Variants in KCNT1 observed in about 807,000 individuals in gnomAD.
KCNT1 encodes the protein potassium sodium-activated channel subfamily T member 1, also known as potassium channel subfamily T member 1.
A neutral mutation model predicts 147.8 loss-of-function variants in KCNT1; 78 were observed. The ratio of observed to expected loss-of-function variants is 0.53; its 90% CI spans 0.44 to 0.64. The LOEUF is 0.64. KCNT1 is among the 30% of genes least tolerant of loss of function. The pLI, the probability that KCNT1 is intolerant of heterozygous loss-of-function variation, is 0.00. For missense variants in KCNT1, 1,419 were observed against 1,750.3 expected (o/e 0.81, Z 3.38); for synonymous variants, 867 against 748.8 (o/e 1.16, Z -2.58).
Position 135,702,361 on chromosome 9 carries a change from GCCC to G in KCNT1, c.106_108del (p.Pro36del), listed in dbSNP as rs745979475. 11 of 1,610,200 alleles carry G rather than the reference GCCC, an allele frequency of 6.8e-6. No individual in the cohort carries two copies. Among genetic ancestry groups the G allele is most frequent in the African/African-American group, 1.3e-5 (1 of 74,680 alleles). On this transcript the variant is annotated inframe_deletion, in exon 1 of 31. Transcript: ENST00000371757. ...CTTCGAGTTTGACGACGGCCAATGC[GCCC>G]CCAGGTACAGTCTGCTGCGCCCTCC...
At chr9:135,778,381 C>T (rs760120507) in intron 21 of KCNT1, 43 bp from the exon 22 acceptor site, 34 of 1,532,648 alleles carry the variant, frequency 2.2e-5, no homozygotes, top group Non-Finnish European at 3.0e-5. Flanking sequence ...GGAGGGCAGG[C>T]CTTGAAGCAG....
chr9:135,781,280 G>T (rs1833590616), intron 24 of KCNT1, among the ~76,000 whole-genome samples: 1 of 152,232 alleles, frequency 6.6e-6, no homozygotes, highest in African/African-American at 2.4e-5. Context: ...ATGGTGCTGG[G>T]GTCCATGTGG....
chr9:135,747,468 C>G (rs544058665), intron 2 of KCNT1, among the ~76,000 whole-genome samples: 61 of 152,092 alleles, frequency 4.0e-4, no homozygotes, highest in Non-Finnish European at 1.6e-4. Context: ...GCAGCTCCCG[C>G]CTCAGCCCTG....
intron 22 of KCNT1, 50 bp from the exon 23 acceptor site, chr9:135,778,638 G>T: frequency 6.2e-7 from 1 of 1,609,978 alleles, no homozygotes; most frequent in Non-Finnish European, 8.5e-7. Context: ...GGTCCTGTGG[G>T]TGGGGAGTGG....
chr9:135,742,066 G>T (rs1830593678), intron 2 of KCNT1, among the ~76,000 whole-genome samples: 1 of 152,208 alleles, frequency 6.6e-6, no homozygotes, highest in Non-Finnish European at 1.5e-5. Flanking sequence ...CTGGGGCCAG[G>T]TTGCCTGGGG....
intron 2 of KCNT1, among the ~76,000 whole-genome samples, chr9:135,745,905 G>A (rs1033993652): frequency 1.3e-5 from 2 of 152,208 alleles, no homozygotes; most frequent in African/African-American, 4.8e-5. Flanking sequence ...ATGAACCTCT[G>A]CCGCAGCAAG....
chr9:135,765,700 C>G lies in KCNT1; in HGVS notation c.1277C>G (p.Ser426Cys), dbSNP rs1832217800. 6.2e-7 allele frequency: 1 copy of G among 1,610,790 alleles called. No homozygotes were observed. The highest frequency in any genetic ancestry group is 8.5e-7 in the Non-Finnish European group (1 of 1,178,886). Residue 426 changes from serine (S) to cysteine (C), a missense_variant, in exon 13 of 31, where the codon TCC becomes TGC. Transcript: ENST00000371757. ...VRRVLQIPLW[S>C]QRVIYLQGSA... The stretch of plus-strand genomic sequence containing the variant: ...AGAGTCCTGCAGATCCCTCTGTGGT[C>G]CCAGCGGGTCATCTACCTCCAGGGC...
At position 135,702,311 on chromosome 9, in the gene KCNT1, G is replaced by A. The variant is rs753714293; in HGVS notation, c.53G>A (p.Arg18His). 1.2e-6 allele frequency: 2 copies of A among 1,610,650 alleles called. No homozygotes were observed. Among genetic ancestry groups the A allele is most frequent in the Admixed American group, 1.7e-5 (1 of 59,924 alleles). ...RTPGGVCREA[R>H]GGGYTNRTFE... is the part of the protein sequence containing the mutation. ...CCGGGGGGCGTCTGCCGGGAGGCGCGCGGCGGGGGCTACACCAACCGGACC... is the reference window on the plus strand; with the variant it reads ...CCGGGGGGCGTCTGCCGGGAGGCGCACGGCGGGGGCTACACCAACCGGACC... The change falls in exon 1 of 31, where the codon CGC becomes CAC. Residue 18 changes from arginine (R) to histidine (H), a missense_variant. Around this residue, in one of 5 missense-constraint regions of KCNT1, gnomAD observed 181 missense variants for 155.7 expected, o/e 1.16. Coordinates refer to ENST00000371757, the MANE Select transcript of KCNT1 (RefSeq NM_020822.3).
At chr9:135,737,053 C>G (rs1588286998) in intron 2 of KCNT1, 1 of 227,410 alleles carries the variant, frequency 4.4e-6, no homozygotes, top group East Asian at 8.1e-5. Context: ...GTGGACCCAG[C>G]TCTGTGCCAG....
intron 2 of KCNT1, among the ~76,000 whole-genome samples, chr9:135,727,279 TTC>T (rs1168844881): frequency 3.3e-5 from 2 of 60,308 alleles, no homozygotes; most frequent in African/African-American, 1.3e-4. Flanking sequence ...CTCTTTCCCA[TTC>T]TCTCTCTCTC....
intron 28 of KCNT1, 62 bp from the exon 29 acceptor site, chr9:135,786,135 A>G: frequency 6.7e-7 from 1 of 1,487,610 alleles, no homozygotes; most frequent in Non-Finnish European, 9.1e-7. Context: ...CCCTGCCCCA[A>G]AGCCCGCGAC....
Position 135,714,807 on chromosome 9 carries a change from C to A in KCNT1, c.254+87C>A. 1 of 945,928 alleles carries A rather than the reference C, an allele frequency of 1.1e-6. No homozygotes were observed. Among genetic ancestry groups the A allele is most frequent in the Non-Finnish European group, 1.3e-6 (1 of 758,686 alleles). 58.6% of individuals were successfully genotyped at this position (945,928 alleles called of 1,614,324 possible). A position where few individuals can be genotyped will look rare whatever the true frequency, so the allele number is the denominator to read the frequency against. Reference sequence around the variant, plus strand: ...GCTGTCCGCGGTGCTGACGGCCGGTCCCGCGCGCCCCCGCAGCCGCCGGCG... The same window carrying A: ...GCTGTCCGCGGTGCTGACGGCCGGTACCGCGCGCCCCCGCAGCCGCCGGCG... On this transcript the variant is annotated intron_variant, in intron 2 of 30. Coordinates refer to ENST00000371757, the MANE Select transcript of KCNT1 (RefSeq NM_020822.3). This position sits in a 1 kb window ranked among gnomAD's most constrained non-coding sequence, Gnocchi z 6.2.
Position 135,770,024 on chromosome 9 carries a change from A to G in KCNT1, c.1588A>G (p.Ile530Val). ...CATCTGCCCGGCGACCTCCACCCTC[A>G]TCACCCTGCTGGTGCACACGTCCCG... ...NCICPATSTL[I>V]TLLVHTSRGQ... The change falls in exon 16 of 31, where the codon ATC (isoleucine) becomes GTC (valine). Residue 530 changes from isoleucine to valine, a missense_variant. This residue lies in a region of KCNT1 where 401 missense variants were observed against 610.6 expected (regional missense o/e 0.66). Transcript: ENST00000371757. The G allele has an allele frequency of 6.4e-7, 1 of 1,554,198 alleles. No homozygotes were observed. Among genetic ancestry groups the G allele is most frequent in the Non-Finnish European group, 8.7e-7 (1 of 1,149,190 alleles).
intron 1 of KCNT1, among the ~76,000 whole-genome samples, chr9:135,705,665 G>A (rs1835222796): frequency 1.3e-5 from 2 of 152,216 alleles, no homozygotes; most frequent in Non-Finnish European, 2.9e-5. Flanking sequence ...TGTGGATAAG[G>A]CCACCCATGT....
At chr9:135,751,577 G>T (rs990236277) in intron 4 of KCNT1, among the ~76,000 whole-genome samples, 3 of 152,176 alleles carry the variant, frequency 2.0e-5, no homozygotes, top group African/African-American at 7.2e-5. Flanking sequence ...CGCAGCAGCC[G>T]CGATGAGGGT....
intron 2 of KCNT1, among the ~76,000 whole-genome samples, chr9:135,723,552 G>T (rs28360874): frequency 6.6e-6 from 1 of 152,200 alleles, no homozygotes; most frequent in South Asian, 2.1e-4. Context: ...CTGTGCGACC[G>T]ACAGCTGTGC....
chr9:135,784,149 A>C, intron 25 of KCNT1, 24 bp downstream of exon 25: 1 of 1,581,862 alleles, frequency 6.3e-7, no homozygotes, highest in Non-Finnish European at 8.6e-7. Context: ...CGGCAGCAGG[A>C]GGGTGGCGCC....
intron 2 of KCNT1, chr9:135,742,919 G>A (rs1830639441): frequency 1.5e-6 from 1 of 687,106 alleles, no homozygotes; most frequent in Admixed American, 2.1e-5. Flanking sequence ...ATCCCCTGCA[G>A]CTGGGCCAGG....
intron 11 of KCNT1, among the ~76,000 whole-genome samples, chr9:135,763,314 C>T (rs1355603116): frequency 1.3e-5 from 2 of 152,030 alleles, no homozygotes; most frequent in Admixed American, 6.5e-5. Context: ...CCTTGGTCTC[C>T]ACTGGGCTGA....
Sources: allele counts gnomAD v4.1 joint callset (sites outside exome capture counted in the v4.1 genomes callset), GRCh38; gene constraint gnomAD v4.1.1; regional missense constraint gnomAD v4.1.1; non-coding constraint Gnocchi (gnomAD v3.1); transcripts MANE v1.5; gene names NCBI Gene and HGNC (gene_info 2026-07-23, HGNC 2026-07-21).